The following RPS6KA6 variants were observed in gnomAD, a reference collection of about 807,000 sequenced individuals.
The protein encoded by RPS6KA6 is ribosomal protein S6 kinase alpha-6.
Under a neutral mutation model 65.4 loss-of-function variants are expected in RPS6KA6, and 27 were observed. That is an observed-to-expected ratio of 0.41 (90% CI 0.30 to 0.57). The LOEUF is 0.57. RPS6KA6 is among the 20% of genes least tolerant of loss of function. The pLI, the probability that RPS6KA6 is intolerant of heterozygous loss-of-function variation, is 0.24. For synonymous variants in RPS6KA6, 190 were observed against 184.2 expected (o/e 1.03, Z -0.26); for missense variants, 486 against 555.6 (o/e 0.87, Z 1.26).
Position 84,059,714 on chromosome X carries a change from A to G in RPS6KA6, c.*4563T>C, listed in dbSNP as rs769009102. ...TTTGAAGAATAAATTATTAGTTCCC[A>G]TAACTAGACAGTTGGAATTACAGCA... is the stretch of plus-strand genomic sequence containing the variant. On this transcript the variant is annotated 3_prime_UTR_variant, in exon 22 of 22. Transcript: ENST00000262752. 1 of 111,972 alleles carries G rather than the reference A, an allele frequency of 8.9e-6. No homozygotes were observed. The highest frequency in any genetic ancestry group is 3.7e-4 in the South Asian group (1 of 2,715). 9.2% of individuals were successfully genotyped at this position (111,972 alleles called of 1,213,427 possible).
intron 2 of RPS6KA6, 66 bp downstream of exon 2, chrX:84,164,262 C>T: frequency 1.2e-6 from 1 of 843,061 alleles, no homozygotes; most frequent in Non-Finnish European, 1.8e-6. Flanking sequence ...AGCTTTTCTC[C>T]TTTCCCTGTA....
intron 4 of RPS6KA6, 133 bp downstream of exon 4, chrX:84,147,909 A>C (rs2035227839): frequency 5.2e-6 from 2 of 386,456 alleles, no homozygotes; most frequent in Non-Finnish European, 9.1e-6. Context: ...TATTACCTAC[A>C]GGTTAGAAAA....
chrX:84,135,597 T>C (rs991265988), intron 6 of RPS6KA6, among the ~76,000 whole-genome samples: 1 of 111,481 alleles, frequency 9.0e-6, no homozygotes, highest in Non-Finnish European at 1.9e-5. Context: ...ATTTGAAATA[T>C]AGAAGTTATT....
intron 1 of RPS6KA6, among the ~76,000 whole-genome samples, chrX:84,173,902 G>A (rs904081979): frequency 9.0e-6 from 1 of 111,649 alleles, no homozygotes. Context: ...TTTGGTCAAC[G>A]TGAAATGAAT....
At chrX:84,137,417 A>G (rs1437028336) in intron 6 of RPS6KA6, among the ~76,000 whole-genome samples, 2 of 112,002 alleles carry the variant, frequency 1.8e-5, no homozygotes, top group African/African-American at 6.5e-5. Context: ...TGCAATATGC[A>G]TATGTACATC....
At position 84,117,386 on chromosome X, in the gene RPS6KA6, T is replaced by A. The variant is rs2034588638; in HGVS notation, c.858A>T (p.Leu286Phe). The part of the protein sequence containing the change: ...KDRNETMNMI[L>F]KAKLGMPQFL... ...AAAAACATACTGTTTACACTTACTTTAATATCATATTCATGGTCTCATTTC... is the reference window on the plus strand; with the variant it reads ...AAAAACATACTGTTTACACTTACTTAAATATCATATTCATGGTCTCATTTC... The change falls in exon 10 of 22, where the codon TTA becomes TTT. Residue 286 changes from leucine (L) to phenylalanine (F), a missense_variant and splice_region_variant. Leu to Phe is a conservative substitution (Grantham distance 22). Coordinates refer to ENST00000262752, the MANE Select transcript of RPS6KA6 (RefSeq NM_014496.5). 9.0e-7 allele frequency: 1 copy of A among 1,109,191 alleles called. No individual in the cohort carries two copies. The highest frequency in any genetic ancestry group is 1.2e-6 in the Non-Finnish European group (1 of 821,226). 91.4% of individuals were successfully genotyped at this position (1,109,191 alleles called of 1,213,427 possible).
intron 12 of RPS6KA6, 134 bp downstream of exon 12, chrX:84,116,095 T>C: frequency 2.5e-6 from 1 of 396,645 alleles, no homozygotes; most frequent in Non-Finnish European, 4.3e-6. Context: ...TAAATTATTT[T>C]TTTAAGAAAA....
At chrX:84,077,711 G>C (rs2033691768) in intron 20 of RPS6KA6, among the ~76,000 whole-genome samples, 1 of 111,967 alleles carries the variant, frequency 8.9e-6, no homozygotes, top group Non-Finnish European at 1.9e-5. Flanking sequence ...GTTACACCTT[G>C]AAAAATACAG....
chrX:84,107,810 C>A (rs978876753), intron 12 of RPS6KA6, 85 bp from the exon 13 acceptor site: 41 of 469,912 alleles, frequency 8.7e-5, no homozygotes, highest in African/African-American at 6.4e-4. Context: ...ACATAATATT[C>A]ACAGTCCATA....
intron 19 of RPS6KA6, 26 bp downstream of exon 19, chrX:84,097,746 A>T: frequency 1.0e-6 from 1 of 958,650 alleles, no homozygotes; most frequent in Non-Finnish European, 1.5e-6. Flanking sequence ...TAACAATGTT[A>T]ATGCTTTTGA....
intron 20 of RPS6KA6, among the ~76,000 whole-genome samples, chrX:84,083,791 C>A (rs2033857119): frequency 8.9e-6 from 1 of 112,153 alleles, no homozygotes; most frequent in Non-Finnish European, 1.9e-5. Flanking sequence ...ACTGAGGAAA[C>A]ACCACGCTGT....
intron 2 of RPS6KA6, among the ~76,000 whole-genome samples, chrX:84,156,848 A>G (rs1169554597): frequency 1.8e-5 from 2 of 111,863 alleles, no homozygotes; most frequent in Non-Finnish European, 3.8e-5. Context: ...GACTACATTC[A>G]AGTGAGCTGT....
chrX:84,079,911 A>T (rs185058890), intron 20 of RPS6KA6, among the ~76,000 whole-genome samples: 75 of 112,146 alleles, frequency 6.7e-4, no homozygotes, highest in African/African-American at 2.4e-3. Context: ...CAGCAGACTT[A>T]AACGTTCCTA....
intron 18 of RPS6KA6, among the ~76,000 whole-genome samples, chrX:84,098,517 C>T (rs780333984): frequency 2.1e-4 from 23 of 110,845 alleles, no homozygotes; most frequent in East Asian, 1.1e-3. Flanking sequence ...GATTTAGCTA[C>T]GAAGTTAATA....
intron 1 of RPS6KA6, among the ~76,000 whole-genome samples, chrX:84,172,176 C>T (rs1276689090): frequency 1.8e-5 from 2 of 111,649 alleles, no homozygotes; most frequent in Non-Finnish European, 3.8e-5. Flanking sequence ...TATAGTGCTG[C>T]AATAAATAGG....
chrX:84,131,348 T>G (rs1241032593), intron 8 of RPS6KA6, among the ~76,000 whole-genome samples: 5 of 112,761 alleles, frequency 4.4e-5, no homozygotes, highest in Non-Finnish European at 9.4e-5. Flanking sequence ...AATCACTTAT[T>G]CTTAGATAAT....
chrX:84,102,763 G>A (rs1022041360), intron 17 of RPS6KA6, among the ~76,000 whole-genome samples: 39 of 110,798 alleles, frequency 3.5e-4, no homozygotes, highest in African/African-American at 1.2e-3. Context: ...CATATCTGTG[G>A]CTTTTAGCCT....
At chrX:84,137,360 T>C (rs2035008176) in intron 6 of RPS6KA6, among the ~76,000 whole-genome samples, 1 of 111,918 alleles carries the variant, frequency 8.9e-6, no homozygotes, top group Non-Finnish European at 1.9e-5. Flanking sequence ...ACATTCCCCT[T>C]CTTGACATTT....
intron 20 of RPS6KA6, among the ~76,000 whole-genome samples, chrX:84,066,254 G>A (rs1045073474): frequency 2.8e-5 from 3 of 105,849 alleles, no homozygotes; most frequent in Non-Finnish European, 5.8e-5. Context: ...ATCCCAGCGA[G>A]ACAGAACCAT....
Sources: allele counts gnomAD v4.1 joint callset (sites outside exome capture counted in the v4.1 genomes callset), GRCh38; gene constraint gnomAD v4.1.1; transcripts MANE v1.5; gene names NCBI Gene and HGNC (gene_info 2026-07-23, HGNC 2026-07-21).